The following INSL6 variants were observed in gnomAD, a reference collection of about 807,000 sequenced individuals.
INSL6 encodes the protein insulin-like peptide INSL6.
A neutral mutation model predicts 9.4 loss-of-function variants in INSL6; 16 were observed. The ratio of observed to expected loss-of-function variants is 1.70; its 90% CI spans 1.15 to 2.59. The LOEUF (loss-of-function observed/expected upper bound fraction) is 2.59. INSL6 is among the 30% of genes most tolerant of loss of function. INSL6 has a pLI of 0.00. For synonymous variants in INSL6, 154 were observed against 96.9 expected (o/e 1.59, Z -3.46); for missense variants, 391 against 257.3 (o/e 1.52, Z -3.56).
intron 1 of INSL6, among the ~76,000 whole-genome samples, chr9:5,182,069 G>A (rs937221840): frequency 6.6e-6 from 1 of 152,100 alleles, no homozygotes; most frequent in African/African-American, 2.4e-5. Context: ...CTCTAGATGT[G>A]TATCCCAGAA....
At chr9:5,130,530 G>C (rs1249198037) in intron 3 of INSL6, among the ~76,000 whole-genome samples, 1 of 152,024 alleles carries the variant, frequency 6.6e-6, no homozygotes, top group Non-Finnish European at 1.5e-5. Context: ...GTGTGAAATG[G>C]AAAAATCTGT....
At chr9:5,110,661 A>G in the INSL6 span, 14 of 238,840 alleles carry the variant, frequency 5.9e-5, no homozygotes, top group African/African-American at 2.7e-4. Context: ...AACCACAAAT[A>G]CTGTCATATA....
At chr9:5,082,236 C>G in the INSL6 span, among the ~76,000 whole-genome samples, 2 of 152,208 alleles carry the variant, frequency 1.3e-5, no homozygotes, top group Non-Finnish European at 1.5e-5. Context: ...ACTATCTCAG[C>G]AAGAGGAATG....
chr9:5,054,523 GT>G, the INSL6 span: 1 of 1,462,228 alleles, frequency 6.8e-7, no homozygotes. This position sits in a 1 kb window ranked among gnomAD's most constrained non-coding sequence, Gnocchi z 4.9. Flanking sequence ...TCCAATTTTT[GT>G]TTTGTTTTGT....
chr9:5,115,860 C>G, the INSL6 span, among the ~76,000 whole-genome samples: 58,440 of 151,808 alleles, frequency 0.38, 12,831 homozygotes, highest in African/African-American at 0.62. Flanking sequence ...TGAACAATGA[C>G]AACATATGGA....
chr9:5,146,245 G>A (rs1824600398), intron 2 of INSL6, among the ~76,000 whole-genome samples: 1 of 152,138 alleles, frequency 6.6e-6, no homozygotes, highest in South Asian at 2.1e-4. Flanking sequence ...ATCCTGGACT[G>A]TGTGCTCTGA....
chr9:5,046,013 A>G, the INSL6 span, among the ~76,000 whole-genome samples: 1 of 152,184 alleles, frequency 6.6e-6, no homozygotes, highest in African/African-American at 2.4e-5. Context: ...AGCAGTGCAC[A>G]AGTGTTCCAA....
downstream of INSL6, among the ~76,000 whole-genome samples, chr9:5,161,827 C>T (rs1372987714): frequency 6.6e-6 from 1 of 152,092 alleles, no homozygotes; most frequent in Non-Finnish European, 1.5e-5. Context: ...TGAAGGTAAA[C>T]CCAGCACTTT....
chr9:5,041,246 GC>G, the INSL6 span: 1 of 1,455,602 alleles, frequency 6.9e-7, no homozygotes, highest in Non-Finnish European at 9.5e-7. Context: ...GCGGCAGCAC[GC>G]CATCCACATC....
the INSL6 span, among the ~76,000 whole-genome samples, chr9:5,095,797 C>G: frequency 1.3e-5 from 2 of 152,096 alleles, no homozygotes; most frequent in African/African-American, 2.4e-5. Flanking sequence ...TTGAATGATC[C>G]CAGTACTAAC....
At chr9:5,046,993 G>A in the INSL6 span, among the ~76,000 whole-genome samples, 1 of 151,716 alleles carries the variant, frequency 6.6e-6, no homozygotes, top group Non-Finnish European at 1.5e-5. Flanking sequence ...AAAAATTTTG[G>A]GTGATTTCAG....
the INSL6 span, among the ~76,000 whole-genome samples, chr9:5,082,873 A>C: frequency 6.6e-6 from 1 of 152,376 alleles, no homozygotes; most frequent in Non-Finnish European, 1.5e-5. Flanking sequence ...GGTTGGGGCA[A>C]AGTTACAGAT....
chr9:5,002,756 C>G, the INSL6 span, among the ~76,000 whole-genome samples: 2 of 151,906 alleles, frequency 1.3e-5, no homozygotes, highest in South Asian at 4.1e-4. Context: ...TTATTTCCCT[C>G]TTTACATTTT....
chr9:5,135,030 G>A (rs926284510), intron 2 of INSL6, among the ~76,000 whole-genome samples: 2 of 152,122 alleles, frequency 1.3e-5, no homozygotes, highest in African/African-American at 2.4e-5. Flanking sequence ...AGCAGGGGTT[G>A]CAATCCTAGT....
At chr9:5,119,676 G>T (rs774065759), downstream of INSL6, among the ~76,000 whole-genome samples, 2 of 152,234 alleles carry the variant, frequency 1.3e-5, no homozygotes, top group African/African-American at 4.8e-5. Flanking sequence ...CATTCCTTCA[G>T]TAAATGTGTT....
At chr9:4,993,921 G>C in the INSL6 span, among the ~76,000 whole-genome samples, 1 of 152,214 alleles carries the variant, frequency 6.6e-6, no homozygotes, top group Non-Finnish European at 1.5e-5. Flanking sequence ...TAGTGGATCG[G>C]TGTGTCTAAA....
chr9:5,102,079 TAAC>T, the INSL6 span, among the ~76,000 whole-genome samples: 1 of 152,120 alleles, frequency 6.6e-6, no homozygotes. Flanking sequence ...AGGTTGGTAA[TAAC>T]AAACTTCTCC....
the INSL6 span, among the ~76,000 whole-genome samples, chr9:5,032,054 C>T: frequency 6.7e-6 from 1 of 150,362 alleles, no homozygotes; most frequent in Non-Finnish European, 1.5e-5. Context: ...TCGGGTCACT[C>T]CCACTCTAAT....
downstream of INSL6, chr9:5,123,122 G>C: frequency 6.4e-7 from 1 of 1,560,834 alleles, no homozygotes; most frequent in Non-Finnish European, 8.7e-7. Context: ...TCCACCAGCG[G>C]TCAGTGTGCT....
Sources: gnomAD v4.1 joint callset for allele counts (sites outside exome capture counted in the v4.1 genomes callset) on GRCh38, gnomAD v4.1.1 for gene constraint, Gnocchi (gnomAD v3.1) non-coding constraint, MANE v1.5 for transcripts, NCBI Gene and HGNC (gene_info 2026-07-23, HGNC 2026-07-21) for gene names.